TFDP2: variants seen among roughly 807,000 people sequenced by gnomAD.
TFDP2 encodes transcription factor Dp-2, also known as transcription factor Dp-2 (E2F dimerization partner 2).
TFDP2 carries 17 observed loss-of-function variants against 59.3 expected under a neutral mutation model. The observed-to-expected ratio is 0.29, with a 90% CI of 0.20 to 0.43. TFDP2 has a LOEUF of 0.43. Among genes scored for constraint, TFDP2 ranks in the 20% least tolerant of loss-of-function variants. TFDP2 has a pLI of 1.00. For missense variants in TFDP2, 391 were observed against 528.8 expected (o/e 0.74, Z 2.56); for synonymous variants, 180 against 194.7 (o/e 0.92, Z 0.63).
chr3:142,003,434 C>T (rs1042288746), intron 4 of TFDP2, among the ~76,000 whole-genome samples: 2 of 152,134 alleles, frequency 1.3e-5, no homozygotes, highest in African/African-American at 4.8e-5. Flanking sequence ...CCAGCCTCAA[C>T]TTCTTTTATA....
intron 2 of TFDP2, among the ~76,000 whole-genome samples, chr3:142,098,766 C>A (rs1430510665): frequency 3.3e-5 from 5 of 152,094 alleles, no homozygotes; most frequent in African/African-American, 4.8e-5. Flanking sequence ...TCTCTCTCTC[C>A]TTCTGAGACA....
Position 142,121,460 on chromosome 3 carries a change from G to C in TFDP2, c.-92-19619C>G, listed in dbSNP as rs1256103879. 6.6e-6 allele frequency among the ~76,000 whole-genome samples: 1 copy of C among 152,158 alleles called. No individual in the cohort carries two copies. The highest frequency in any genetic ancestry group is 2.4e-5 in the African/African-American group (1 of 41,424). On this transcript the variant is annotated intron_variant, in intron 1 of 12. Transcript: ENST00000489671. This position sits in a 1 kb window ranked among gnomAD's most constrained non-coding sequence, Gnocchi z 4.3. ...TCAGGTTCTAACTCGAGTTAAATTA[G>C]TAATAGAGATAATTAGTTAAAATTA...
At chr3:141,965,841 A>C (rs1937961722) in intron 9 of TFDP2, among the ~76,000 whole-genome samples, 1 of 151,980 alleles carries the variant, frequency 6.6e-6, no homozygotes, top group Admixed American at 6.6e-5. Flanking sequence ...GTTGCTAAAA[A>C]ACGAATTCAT....
chr3:142,119,228 T>G (rs1203190656), intron 1 of TFDP2, among the ~76,000 whole-genome samples: 1 of 151,778 alleles, frequency 6.6e-6, no homozygotes, highest in South Asian at 2.1e-4. Context: ...CAATGAAAGA[T>G]CCTACCAGAT....
At position 142,027,754 on chromosome 3, in the gene TFDP2, T is replaced by C. The variant is rs1157195386; in HGVS notation, c.83-22210A>G. Among the ~76,000 whole-genome samples the C allele has an allele frequency of 2.0e-5, 3 of 152,214 alleles. No homozygotes were observed. The East Asian group carries it at 5.8e-4, about 29-fold the overall frequency. On this transcript the variant is annotated intron_variant, in intron 3 of 12. Coordinates refer to ENST00000489671, the MANE Select transcript of TFDP2 (RefSeq NM_001178139.2). ...ATCAATTCAATCAAGTTGTCATATA[T>C]TCCGGGGTCATTAAGAATTGTTTAG...
At chr3:142,059,924 T>C (rs1016332133) in intron 3 of TFDP2, among the ~76,000 whole-genome samples, 1 of 152,130 alleles carries the variant, frequency 6.6e-6, no homozygotes, top group African/African-American at 2.4e-5. Context: ...TTCTTTTATT[T>C]ACCTCCTCTT....
intron 3 of TFDP2, among the ~76,000 whole-genome samples, chr3:142,067,996 T>C (rs182985193): frequency 2.2e-5 from 3 of 138,338 alleles, no homozygotes; most frequent in African/African-American, 2.7e-5. Flanking sequence ...AGAGTAAGAC[T>C]CTAGCTTAAA....
chr3:142,067,650 C>T (rs2060115862), intron 3 of TFDP2, among the ~76,000 whole-genome samples: 4 of 152,014 alleles, frequency 2.6e-5, no homozygotes, highest in Admixed American at 2.6e-4. Flanking sequence ...AGGTAAAAGA[C>T]TCAGAAGAGC....
chr3:142,021,190 CAA>C (rs1263082105), intron 3 of TFDP2, among the ~76,000 whole-genome samples: 1 of 152,046 alleles, frequency 6.6e-6, no homozygotes, highest in Non-Finnish European at 1.5e-5. Flanking sequence ...GGATGGGTGA[CAA>C]AGAGAAGATA....
chr3:142,126,996 A>T (rs1054963499), intron 1 of TFDP2, among the ~76,000 whole-genome samples: 1 of 150,420 alleles, frequency 6.6e-6, no homozygotes, highest in Non-Finnish European at 1.5e-5. Context: ...AAGATAAAAA[A>T]GGATAAACCC....
chr3:142,114,090 G>C (rs2061762698), intron 1 of TFDP2, among the ~76,000 whole-genome samples: 1 of 151,984 alleles, frequency 6.6e-6, no homozygotes, highest in East Asian at 1.9e-4. Context: ...GCGTGAACCC[G>C]GGAGGTGGAG....
At chr3:141,984,930 CT>C (rs1056348703) in intron 6 of TFDP2, among the ~76,000 whole-genome samples, 3 of 151,118 alleles carry the variant, frequency 2.0e-5, no homozygotes, top group Admixed American at 6.6e-5. Context: ...TGTTCTTCTT[CT>C]TTTTTTTTAC....
intron 3 of TFDP2, among the ~76,000 whole-genome samples, chr3:142,089,490 A>G (rs1000704543): frequency 6.6e-6 from 1 of 152,182 alleles, no homozygotes; most frequent in Admixed American, 6.5e-5. Context: ...TAATTTAAAT[A>G]GGAAGTTGCT....
chr3:142,138,707 A>C (rs2062824579), intron 1 of TFDP2, among the ~76,000 whole-genome samples: 1 of 152,156 alleles, frequency 6.6e-6, no homozygotes, highest in Admixed American at 6.5e-5. Flanking sequence ...CCTGAGTTCT[A>C]ATTTGATTGC....
At chr3:141,973,064 C>A (rs920761354) in intron 8 of TFDP2, among the ~76,000 whole-genome samples, 1 of 136,366 alleles carries the variant, frequency 7.3e-6, no homozygotes, top group African/African-American at 2.7e-5. Context: ...AAACAGGAAA[C>A]CAATCTTAAT....
chr3:141,987,912 C>T (rs1439144837), intron 6 of TFDP2, among the ~76,000 whole-genome samples: 14 of 148,268 alleles, frequency 9.4e-5, no homozygotes, highest in Non-Finnish European at 1.8e-4. Flanking sequence ...GCACTCCAGC[C>T]TGGACGACAG....
At chr3:141,963,323 G>A (rs1432085638) in intron 10 of TFDP2, among the ~76,000 whole-genome samples, 1 of 152,160 alleles carries the variant, frequency 6.6e-6, no homozygotes, top group East Asian at 1.9e-4. Context: ...GAATGTGCCA[G>A]GCATTTTCAT....
At chr3:141,965,844 G>T (rs867707026) in intron 9 of TFDP2, among the ~76,000 whole-genome samples, 1 of 151,832 alleles carries the variant, frequency 6.6e-6, no homozygotes, top group Non-Finnish European at 1.5e-5. Context: ...GCTAAAAAAC[G>T]AATTCATTGC....
chr3:142,101,344 T>G (rs1262765339), intron 2 of TFDP2, among the ~76,000 whole-genome samples: 2 of 142,242 alleles, frequency 1.4e-5, no homozygotes, highest in African/African-American at 5.3e-5. Context: ...CACATACATT[T>G]CCCTGAGTAA....
Sources: gnomAD v4.1 joint callset for allele counts (sites outside exome capture counted in the v4.1 genomes callset) on GRCh38, gnomAD v4.1.1 for gene constraint, Gnocchi (gnomAD v3.1) non-coding constraint, MANE v1.5 for transcripts, NCBI Gene and HGNC (gene_info 2026-07-23, HGNC 2026-07-21) for gene names.